Variants in CLVS1 observed in about 807,000 individuals in gnomAD.
CLVS1 encodes the protein clavesin 1.
CLVS1 carries 10 observed loss-of-function variants against 33.1 expected under a neutral mutation model. The observed-to-expected ratio is 0.30, with a 90% CI of 0.19 to 0.51. The LOEUF (loss-of-function observed/expected upper bound fraction) is 0.51, where lower values mean the gene tolerates loss of function less well. Among genes scored for constraint, CLVS1 ranks in the 20% least tolerant of loss-of-function variants. The pLI is 0.97. For missense variants in CLVS1, 343 were observed against 433.4 expected, an observed-to-expected ratio of 0.79 and a Z score of 1.85; for synonymous variants, 163 against 166.1, an observed-to-expected ratio of 0.98 and a Z score of 0.14.
At chr8:61,003,732 A>C in the CLVS1 span, among the ~76,000 whole-genome samples, 3,112 of 152,292 alleles carry the variant, frequency 0.02, 125 homozygotes, top group African/African-American at 0.07. Flanking sequence ...ATGCAGCCTT[A>C]TTTATTCATC....
At chr8:61,389,215 G>C (rs562483973) in intron 3 of CLVS1, among the ~76,000 whole-genome samples, 21 of 152,240 alleles carry the variant, frequency 1.4e-4, no homozygotes, top group Admixed American at 8.5e-4. Context: ...TGGGTTGAGA[G>C]GCTAACCCAC....
chr8:61,397,182 A>G (rs1814560776), intron 3 of CLVS1, among the ~76,000 whole-genome samples: 2 of 152,102 alleles, frequency 1.3e-5, no homozygotes. Context: ...ATTTCTCTAC[A>G]TCTTTGCCAG....
intron 1 of CLVS1, chr8:61,292,230 C>A: frequency 2.5e-6 from 1 of 402,278 alleles, no homozygotes; most frequent in South Asian, 1.8e-5. Flanking sequence ...CTCAGAAATT[C>A]TATTTCTAAT....
At chr8:61,273,294 A>G (rs1809486269) in intron 2 of CLVS1, among the ~76,000 whole-genome samples, 1 of 152,148 alleles carries the variant, frequency 6.6e-6, no homozygotes, top group African/African-American at 2.4e-5. Context: ...CCTCCCAGTT[A>G]GGTTGCTCGG....
chr8:61,314,425 C>T (rs185593438), intron 2 of CLVS1, among the ~76,000 whole-genome samples: 113 of 152,148 alleles, frequency 7.4e-4, no homozygotes, highest in African/African-American at 2.7e-3. Flanking sequence ...ATTTCCAAGT[C>T]GTTGAGGTCT....
At chr8:61,364,389 G>A (rs1813106502) in intron 2 of CLVS1, among the ~76,000 whole-genome samples, 1 of 152,192 alleles carries the variant, frequency 6.6e-6, no homozygotes. Context: ...AACTGTTGAA[G>A]GATGATACCC....
intron 2 of CLVS1, among the ~76,000 whole-genome samples, chr8:61,169,714 AC>A (rs923796698): frequency 5.3e-5 from 8 of 151,976 alleles, no homozygotes; most frequent in African/African-American, 1.4e-4. Context: ...CTTACACCCC[AC>A]CTTTCCCTCT....
At chr8:61,282,181 T>G (rs1257051977) in intron 2 of CLVS1, among the ~76,000 whole-genome samples, 2 of 152,188 alleles carry the variant, frequency 1.3e-5, no homozygotes, top group African/African-American at 4.8e-5. Context: ...CAGATTGTGG[T>G]TCTAAGAAAG....
At chr8:61,417,997 G>A (rs1440354826) in intron 3 of CLVS1, among the ~76,000 whole-genome samples, 4 of 152,176 alleles carry the variant, frequency 2.6e-5, no homozygotes, top group African/African-American at 9.7e-5. Context: ...ATCCTAATAA[G>A]TTGCAATGTG....
chr8:61,030,658 T>G, the CLVS1 span, among the ~76,000 whole-genome samples: 1 of 152,196 alleles, frequency 6.6e-6, no homozygotes, highest in African/African-American at 2.4e-5. Flanking sequence ...TGTGGACAGG[T>G]GGCTGTGGTC....
At chr8:61,167,020 C>T (rs754566508) in intron 2 of CLVS1, among the ~76,000 whole-genome samples, 8 of 150,112 alleles carry the variant, frequency 5.3e-5, no homozygotes, top group Admixed American at 3.3e-4. Flanking sequence ...AATTTAAATA[C>T]ATTTGCTTCC....
At chr8:61,237,305 A>G (rs1013905875) in intron 2 of CLVS1, among the ~76,000 whole-genome samples, 1 of 152,200 alleles carries the variant, frequency 6.6e-6, no homozygotes, top group Non-Finnish European at 1.5e-5. Context: ...AAAGGAGGCC[A>G]GGCATGGTGG....
chr8:61,275,521 G>A (rs549158565), intron 2 of CLVS1, among the ~76,000 whole-genome samples: 11 of 152,152 alleles, frequency 7.2e-5, no homozygotes, highest in Non-Finnish European at 1.0e-4. Context: ...AAAAATTTAG[G>A]TCGTTAATAT....
At chr8:61,103,982 C>T (rs1483297214) in intron 1 of CLVS1, among the ~76,000 whole-genome samples, 1 of 152,180 alleles carries the variant, frequency 6.6e-6, no homozygotes. Flanking sequence ...TATTCAGGGT[C>T]ATGATACAAT....
At chr8:61,446,902 C>T (rs1342769972) in intron 3 of CLVS1, among the ~76,000 whole-genome samples, 1 of 148,406 alleles carries the variant, frequency 6.7e-6, no homozygotes, top group Non-Finnish European at 1.5e-5. Flanking sequence ...CAAAGATTTT[C>T]CTCTTATCTA....
chr8:61,433,995 G>A (rs188139244), intron 3 of CLVS1, among the ~76,000 whole-genome samples: 33 of 151,872 alleles, frequency 2.2e-4, no homozygotes, highest in Admixed American at 7.9e-4. Context: ...CAGGCAAAGC[G>A]AGAGGCACAA....
At chr8:61,449,544 G>T (rs988710991) in intron 3 of CLVS1, among the ~76,000 whole-genome samples, 40 of 152,192 alleles carry the variant, frequency 2.6e-4, no homozygotes, top group African/African-American at 9.2e-4. Flanking sequence ...GTTAGGAAGG[G>T]ACCACAGTTT....
chr8:61,365,011 A>G (rs774290143), intron 2 of CLVS1, among the ~76,000 whole-genome samples: 1 of 152,234 alleles, frequency 6.6e-6, no homozygotes, highest in Non-Finnish European at 1.5e-5. Flanking sequence ...CTTGATTGCA[A>G]GAGTGACTGC....
intron 1 of CLVS1, among the ~76,000 whole-genome samples, chr8:61,106,949 G>A (rs1271510173): frequency 6.6e-6 from 1 of 152,188 alleles, no homozygotes; most frequent in African/African-American, 2.4e-5. Context: ...GAGGTTCCAT[G>A]TGACAACTTG....
Sources: gnomAD v4.1 joint callset for allele counts (sites outside exome capture counted in the v4.1 genomes callset) on GRCh38, gnomAD v4.1.1 for gene constraint, MANE v1.5 for transcripts, NCBI Gene and HGNC (gene_info 2026-07-23, HGNC 2026-07-21) for gene names.